YTHDC2: variants seen among roughly 807,000 people sequenced by gnomAD.
YTHDC2 encodes the protein 3'-5' RNA helicase YTHDC2.
A neutral mutation model predicts 174.9 loss-of-function variants in YTHDC2; 45 were observed. The ratio of observed to expected loss-of-function variants is 0.26; its 90% CI spans 0.20 to 0.33. The LOEUF is 0.33. Ranked by LOEUF, YTHDC2 falls within the 10% of genes least tolerant of loss-of-function variation. The pLI, the probability that YTHDC2 is intolerant of heterozygous loss-of-function variation, is 1.00. For missense variants in YTHDC2, 1,650 were observed against 1,723.7 expected (o/e 0.96, Z 0.76); for synonymous variants, 657 against 574.5 (o/e 1.14, Z -2.05).
rs1048012786 is a variant in YTHDC2 at position 113,525,532 on chromosome 5, A to G, written c.475+355A>G. ...GGTGAAGAAACTGAGGCTTAGAGGAATTAAATAATTCATTCGAGGACACCA... is the reference window on the plus strand; with the variant it reads ...GGTGAAGAAACTGAGGCTTAGAGGAGTTAAATAATTCATTCGAGGACACCA... On this transcript the variant is annotated intron_variant, in intron 3 of 29. Coordinates refer to ENST00000161863, the MANE Select transcript of YTHDC2 (RefSeq NM_022828.5). 4.6e-5 allele frequency among the ~76,000 whole-genome samples: 7 copies of G among 152,190 alleles called. No homozygotes were observed. The East Asian group carries it at 1.4e-3, about 29-fold the overall frequency.
chr5:113,554,234 C>G (rs963204156), intron 16 of YTHDC2, among the ~76,000 whole-genome samples: 15 of 150,092 alleles, frequency 1.0e-4, no homozygotes, highest in African/African-American at 2.9e-4. Flanking sequence ...ACTAAATATT[C>G]TGCCTTAAAT....
chr5:113,520,867 G>A (rs1251566496), intron 2 of YTHDC2, among the ~76,000 whole-genome samples: 1 of 152,070 alleles, frequency 6.6e-6, no homozygotes, highest in Non-Finnish European at 1.5e-5. Flanking sequence ...CATCACCCAG[G>A]ATTAATCCTA....
chr5:113,541,190 TA>T (rs1315103896), intron 9 of YTHDC2, 74 bp downstream of exon 9: 13 of 1,500,584 alleles, frequency 8.7e-6, no homozygotes, highest in Non-Finnish European at 9.9e-6. Flanking sequence ...TATGAGCTTA[TA>T]ATTTTTTTTT....
At chr5:113,564,446 AG>A in intron 20 of YTHDC2, among the ~76,000 whole-genome samples, 1 of 152,250 alleles carries the variant, frequency 6.6e-6, no homozygotes, top group East Asian at 1.9e-4. Flanking sequence ...CTAAAATTTC[AG>A]TTAAGAAATA....
chr5:113,524,223 A>G (rs1774062641), intron 2 of YTHDC2, among the ~76,000 whole-genome samples: 1 of 152,170 alleles, frequency 6.6e-6, no homozygotes, highest in African/African-American at 2.4e-5. Context: ...CATTATAGGC[A>G]TGTATTATGA....
intron 28 of YTHDC2, 140 bp downstream of exon 28, chr5:113,592,318 A>T: frequency 2.6e-6 from 2 of 781,818 alleles, no homozygotes; most frequent in Non-Finnish European, 3.7e-6. Flanking sequence ...CAGGTTTGTA[A>T]AAAGATAGTA....
intron 8 of YTHDC2, among the ~76,000 whole-genome samples, chr5:113,540,676 C>T (rs1775393011): frequency 6.6e-6 from 1 of 152,148 alleles, no homozygotes; most frequent in South Asian, 2.1e-4. Flanking sequence ...ATGATCCAAT[C>T]ACCTCCCACC....
chr5:113,548,791 T>A (rs1306626589), intron 11 of YTHDC2, 124 bp downstream of exon 11: 2 of 1,192,768 alleles, frequency 1.7e-6, no homozygotes, highest in African/African-American at 3.1e-5. Flanking sequence ...AATTTCTGTT[T>A]TAATGGGTTA....
intron 23 of YTHDC2, 26 bp downstream of exon 23, chr5:113,567,875 C>A: frequency 2.8e-6 from 4 of 1,430,004 alleles, no homozygotes; most frequent in South Asian, 3.4e-5. Flanking sequence ...AAATAAAAAT[C>A]TATTTGAAAT....
chr5:113,591,890 A>G (rs1779021639), intron 27 of YTHDC2, 106 bp from the exon 28 acceptor site: 2 of 878,604 alleles, frequency 2.3e-6, no homozygotes, highest in Non-Finnish European at 3.1e-6. Flanking sequence ...TTTCAATATT[A>G]TATCTTAATC....
intron 3 of YTHDC2, 104 bp downstream of exon 3, chr5:113,525,281 C>A: frequency 1.0e-6 from 1 of 956,280 alleles, no homozygotes. Context: ...TAAGATTTCT[C>A]AATTGGAATA....
intron 26 of YTHDC2, 90 bp from the exon 27 acceptor site, chr5:113,590,951 G>C (rs1478064844): frequency 9.6e-7 from 1 of 1,038,842 alleles, no homozygotes; most frequent in Non-Finnish European, 1.4e-6. Flanking sequence ...AAATATTTTG[G>C]CTTATATGTT....
intron 10 of YTHDC2, among the ~76,000 whole-genome samples, chr5:113,547,144 T>C (rs567457485): frequency 6.6e-6 from 1 of 152,194 alleles, no homozygotes; most frequent in East Asian, 1.9e-4. Flanking sequence ...GTTAAAAATG[T>C]TTTAAATGTT....
chr5:113,526,849 A>T, intron 4 of YTHDC2, 64 bp downstream of exon 4: 3 of 364,902 alleles, frequency 8.2e-6, no homozygotes, highest in Non-Finnish European at 1.3e-5. Flanking sequence ...ATATATATAT[A>T]GTCCCATATT....
Position 113,514,333 on chromosome 5 carries a change from C to T in YTHDC2, c.187+251C>T, listed in dbSNP as rs1773247758. The T allele has an allele frequency of 1.9e-5, 13 of 679,556 alleles. No individual in the cohort carries two copies. In the East Asian group the frequency reaches 2.8e-4, roughly 15 times the overall value. 42.1% of individuals were successfully genotyped at this position (679,556 alleles called of 1,614,324 possible). A position where few individuals can be genotyped will look rare whatever the true frequency, so the allele number is the denominator to read the frequency against. ...TTGCTCCCTAGCTGAAAGTGTTTTT[C>T]CCCCGCGTCTTTCAGCAGCCTTGGG... On this transcript the variant is annotated intron_variant, in intron 1 of 29. Coordinates refer to ENST00000161863, the MANE Select transcript of YTHDC2 (RefSeq NM_022828.5).
At chr5:113,576,491 T>C (rs1271004466) in intron 23 of YTHDC2, among the ~76,000 whole-genome samples, 1 of 152,196 alleles carries the variant, frequency 6.6e-6, no homozygotes, top group African/African-American at 2.4e-5. Flanking sequence ...TGGGAATTAC[T>C]TGATAAAAAT....
intron 27 of YTHDC2, 22 bp from the exon 28 acceptor site, chr5:113,591,974 C>T: frequency 6.4e-7 from 1 of 1,573,076 alleles, no homozygotes; most frequent in South Asian, 1.2e-5. Context: ...ACCTCTATTC[C>T]TTCCTCCCAT....
intron 2 of YTHDC2, among the ~76,000 whole-genome samples, chr5:113,519,912 C>T (rs1044601311): frequency 6.6e-6 from 1 of 152,104 alleles, no homozygotes; most frequent in African/African-American, 2.4e-5. Context: ...ACTTTAAGTT[C>T]TGGGATACAT....
At chr5:113,524,241 C>G (rs1025365188) in intron 2 of YTHDC2, among the ~76,000 whole-genome samples, 1 of 152,064 alleles carries the variant, frequency 6.6e-6, no homozygotes, top group African/African-American at 2.4e-5. Flanking sequence ...TGAAATCATT[C>G]AAAACACATC....
Sources: gnomAD v4.1 joint callset for allele counts (sites outside exome capture counted in the v4.1 genomes callset) on GRCh38, gnomAD v4.1.1 for gene constraint, MANE v1.5 for transcripts, NCBI Gene and HGNC (gene_info 2026-07-23, HGNC 2026-07-21) for gene names.